Variants in ZFPM2 observed in about 807,000 individuals in gnomAD.
ZFPM2 encodes the protein zinc finger protein, FOG family member 2, also known as zinc finger protein ZFPM2.
Under a neutral mutation model 98.6 loss-of-function variants are expected in ZFPM2, and 20 were observed. The ratio of observed to expected loss-of-function variants is 0.20; its 90% CI spans 0.14 to 0.29. ZFPM2 has a LOEUF of 0.29. ZFPM2 is among the 10% of genes least tolerant of loss of function. The pLI is 1.00. For missense variants in ZFPM2, 1,310 were observed against 1,388.6 expected (o/e 0.94, Z 0.90); for synonymous variants, 518 against 502.7 (o/e 1.03, Z -0.41).
intron 5 of ZFPM2, among the ~76,000 whole-genome samples, chr8:105,783,929 G>A (rs1813337299): frequency 6.6e-6 from 1 of 151,998 alleles, no homozygotes; most frequent in Non-Finnish European, 1.5e-5. Context: ...AAAATCATAG[G>A]TAATTCTAGT....
At chr8:105,729,703 T>C (rs1811887791) in intron 5 of ZFPM2, among the ~76,000 whole-genome samples, 1 of 151,822 alleles carries the variant, frequency 6.6e-6, no homozygotes, top group East Asian at 1.9e-4. Context: ...TGCAAATTTC[T>C]ATCCTATGGT....
intron 5 of ZFPM2, among the ~76,000 whole-genome samples, chr8:105,716,284 C>T (rs1174519142): frequency 6.6e-6 from 1 of 150,658 alleles, no homozygotes; most frequent in African/African-American, 2.4e-5. Context: ...TAGATAAAAT[C>T]AGTACAGTAA....
At chr8:105,572,609 A>G (rs1360423876) in intron 4 of ZFPM2, among the ~76,000 whole-genome samples, 17 of 152,006 alleles carry the variant, frequency 1.1e-4, no homozygotes, top group Admixed American at 1.1e-3. Context: ...CTGGGATTAC[A>G]GGCATGTATC....
intron 5 of ZFPM2, among the ~76,000 whole-genome samples, chr8:105,647,306 A>C (rs1272709012): frequency 1.3e-5 from 2 of 152,168 alleles, no homozygotes; most frequent in Admixed American, 6.5e-5. Flanking sequence ...AAGTAGAAAT[A>C]AATGCATGCA....
At chr8:105,442,514 A>C (rs1331732086) in intron 2 of ZFPM2, among the ~76,000 whole-genome samples, 3 of 152,180 alleles carry the variant, frequency 2.0e-5, no homozygotes, top group Admixed American at 1.3e-4. Flanking sequence ...GTAGATGCTC[A>C]ATATTTTATG....
At chr8:105,517,946 C>T (rs1405179874) in intron 3 of ZFPM2, among the ~76,000 whole-genome samples, 8 of 152,198 alleles carry the variant, frequency 5.3e-5, no homozygotes, top group South Asian at 2.1e-4. Context: ...TAGCAAACGA[C>T]GAATACCCTT....
intron 4 of ZFPM2, among the ~76,000 whole-genome samples, chr8:105,596,345 T>C (rs573221266): frequency 6.6e-6 from 1 of 152,092 alleles, no homozygotes; most frequent in East Asian, 1.9e-4. Flanking sequence ...CATCCCTGCA[T>C]TTTCAGAAAG....
chr8:105,659,919 T>C (rs1484104446), intron 5 of ZFPM2, among the ~76,000 whole-genome samples: 1 of 152,216 alleles, frequency 6.6e-6, no homozygotes, highest in African/African-American at 2.4e-5. Context: ...AAACTCTTCA[T>C]AAAGGTTAAG....
In ZFPM2 at chr8:105,441,461, A is replaced by AGGAAGGAAGGAAGGAAGGAAGGAAGGAAG. The variant is rs1563659944; in HGVS notation, c.200-2818_200-2817insGAAGGAAGGAAGGAAGGAAGGAAGGAAGG. On this transcript the variant is annotated intron_variant, in intron 2 of 7. Coordinates refer to ENST00000407775, the MANE Select transcript of ZFPM2 (RefSeq NM_012082.4). The stretch of plus-strand genomic sequence containing the variant: ...GAGAGAGAGAGAGAGAGAGAAAGAA[A>AGGAAGGAAGGAAGGAAGGAAGGAAGGAAG]GAAAGAAAGAAAGAAAGAAAGAAAG... Among the ~76,000 whole-genome samples the AGGAAGGAAGGAAGGAAGGAAGGAAGGAAG allele has an allele frequency of 3.1e-4, 34 of 108,226 alleles. 8 individuals are homozygous for AGGAAGGAAGGAAGGAAGGAAGGAAGGAAG. Among genetic ancestry groups the AGGAAGGAAGGAAGGAAGGAAGGAAGGAAG allele is most frequent in the African/African-American group, 1.2e-3 (31 of 25,688 alleles). The allele number at this position is 108,226 out of a possible 152,430, so 71.0% of individuals were successfully genotyped here.
chr8:105,330,633 C>CACAT (rs1563607071), intron 1 of ZFPM2, among the ~76,000 whole-genome samples: 23 of 85,436 alleles, frequency 2.7e-4, no homozygotes, highest in Non-Finnish European at 4.7e-4. Flanking sequence ...TATATATATA[C>CACAT]ATATATATAT....
intron 3 of ZFPM2, among the ~76,000 whole-genome samples, chr8:105,522,681 GA>G (rs954813057): frequency 3.3e-5 from 5 of 151,830 alleles, no homozygotes; most frequent in African/African-American, 7.3e-5. Flanking sequence ...TGAGGCAGGA[GA>G]ATCGCTTGAA....
chr8:105,658,606 A>AAAAAAAAAAAAAAAAAAAAAAAAAC, intron 5 of ZFPM2, among the ~76,000 whole-genome samples: 1 of 40,486 alleles, frequency 2.5e-5, no homozygotes. Flanking sequence ...AAAAAAAAAA[A>AAAAAAAAAAAAAAAAAAAAAAAAAC]AAAAAGAAAT....
chr8:105,763,975 C>A (rs768223373), intron 5 of ZFPM2, among the ~76,000 whole-genome samples: 1 of 151,702 alleles, frequency 6.6e-6, no homozygotes, highest in Admixed American at 6.6e-5. Context: ...ATCTGCTCTT[C>A]CCAGAAACTG....
chr8:105,350,698 A>G (rs1407677134), intron 1 of ZFPM2, among the ~76,000 whole-genome samples: 1 of 151,938 alleles, frequency 6.6e-6, no homozygotes, highest in Non-Finnish European at 1.5e-5. Flanking sequence ...ATATTAGTAT[A>G]CTCTTTACTT....
At chr8:105,524,486 TTC>T (rs375750481) in intron 3 of ZFPM2, among the ~76,000 whole-genome samples, 4,278 of 151,030 alleles carry the variant, frequency 0.028, 213 homozygotes, top group African/African-American at 0.098. Context: ...GTGTGTGTGT[TTC>T]TCTCTCTCTC....
chr8:105,496,522 A>G (rs1282958399), intron 3 of ZFPM2, among the ~76,000 whole-genome samples: 2 of 152,110 alleles, frequency 1.3e-5, no homozygotes, highest in Non-Finnish European at 2.9e-5. Flanking sequence ...TGCCTTTCCC[A>G]GTGCATCATG....
intron 5 of ZFPM2, among the ~76,000 whole-genome samples, chr8:105,665,088 G>C (rs1209806712): frequency 6.6e-6 from 1 of 152,194 alleles, no homozygotes; most frequent in Non-Finnish European, 1.5e-5. Context: ...AACATCTGGT[G>C]AGGGCCTTGT....
chr8:105,547,597 A>G (rs1814741890), intron 3 of ZFPM2, among the ~76,000 whole-genome samples: 1 of 150,822 alleles, frequency 6.6e-6, no homozygotes, highest in African/African-American at 2.4e-5. Flanking sequence ...AAAGAAAGCT[A>G]TACTTTAAAT....
chr8:105,770,695 C>G (rs1395946594), intron 5 of ZFPM2, among the ~76,000 whole-genome samples: 5 of 152,208 alleles, frequency 3.3e-5, no homozygotes, highest in African/African-American at 1.2e-4. Flanking sequence ...CTACTCTACG[C>G]TATTAAACCA....
Sources: gnomAD v4.1 joint callset for allele counts (sites outside exome capture counted in the v4.1 genomes callset) on GRCh38, gnomAD v4.1.1 for gene constraint, MANE v1.5 for transcripts, NCBI Gene and HGNC (gene_info 2026-07-23, HGNC 2026-07-21) for gene names.